Variants in ARHGAP21 observed in about 807,000 individuals in gnomAD.
ARHGAP21 encodes rho GTPase-activating protein 21.
A neutral mutation model predicts 164.6 loss-of-function variants in ARHGAP21; 38 were observed. The ratio of observed to expected loss-of-function variants is 0.23; its 90% confidence interval spans 0.18 to 0.30. The LOEUF (loss-of-function observed/expected upper bound fraction) is 0.30, where lower values mean the gene tolerates loss of function less well. ARHGAP21 is among the 10% of genes least tolerant of loss of function. ARHGAP21 has a pLI of 1.00. For synonymous variants in ARHGAP21, 766 were observed against 857.9 expected (o/e 0.89, Z 1.87); for missense variants, 1,822 against 2,370.7 (o/e 0.77, Z 4.81).
Position 24,669,587 on chromosome 10 carries a change from T to C in ARHGAP21, c.243+631A>G, listed in dbSNP as rs144435076. 7.9e-5 allele frequency among the ~76,000 whole-genome samples: 12 copies of C among 152,332 alleles called. No individual in the cohort carries two copies. In the East Asian group the frequency reaches 2.1e-3, roughly 27 times the overall value. On this transcript the variant is annotated intron_variant, in intron 3 of 25. Transcript: ENST00000396432. The stretch of plus-strand genomic sequence containing the variant: ...TTCCACATCTGTTATATGGGGCTAA[T>C]AATACCACCTGCTCCACAGGATTCT...
At chr10:24,690,845 TATATATATACAC>T (rs1192963170) in intron 2 of ARHGAP21, among the ~76,000 whole-genome samples, 11 of 149,904 alleles carry the variant, frequency 7.3e-5, no homozygotes, top group African/African-American at 2.4e-4. Context: ...AAAATATATA[TATATATATACAC>T]ATATATATAT....
At chr10:24,654,982 T>C (rs894258179) in intron 4 of ARHGAP21, among the ~76,000 whole-genome samples, 4 of 152,226 alleles carry the variant, frequency 2.6e-5, no homozygotes, top group African/African-American at 9.6e-5. Flanking sequence ...TACAACCATC[T>C]GATCTTTGAC....
At chr10:24,719,639 A>T (rs1210032034) in intron 2 of ARHGAP21, among the ~76,000 whole-genome samples, 1 of 152,244 alleles carries the variant, frequency 6.6e-6, no homozygotes, top group Non-Finnish European at 1.5e-5. Context: ...ATTGATTTTT[A>T]AAATTTTTTA....
At chr10:24,690,973 A>G (rs1025937377) in intron 2 of ARHGAP21, among the ~76,000 whole-genome samples, 15 of 152,130 alleles carry the variant, frequency 9.9e-5, no homozygotes, top group Non-Finnish European at 1.5e-4. Flanking sequence ...AGAAAAGTAC[A>G]TGGTGTCATT....
chr10:24,609,606 A>G (rs2077168783), intron 9 of ARHGAP21, among the ~76,000 whole-genome samples: 1 of 152,222 alleles, frequency 6.6e-6, no homozygotes, highest in Non-Finnish European at 1.5e-5. Context: ...CCTCACATTT[A>G]CAGACTATAC....
rs2076087254 is a variant in ARHGAP21 at position 24,585,995 on chromosome 10, T to A, written c.4294A>T (p.Ser1432Cys). 6.2e-7 allele frequency: 1 copy of A among 1,614,182 alleles called. No homozygotes were observed. Among genetic ancestry groups the A allele is most frequent in the Non-Finnish European group, 8.5e-7 (1 of 1,180,032 alleles). ...KKPKEKAQPS[S>C]SEDELDNVFF... ...ACATTGTCCAGTTCATCTTCTGAGC[T>A]GCTAGGCTGTGCTTTTTCTTTCGGC... Residue 1432 changes from serine to cysteine, a missense_variant, in exon 26 of 26, where the codon AGC (serine) becomes TGC (cysteine). Ser to Cys is a moderately radical substitution (Grantham distance 112). This residue lies in a region of ARHGAP21 where 333 missense variants were observed against 383.9 expected (regional missense o/e 0.87). Coordinates refer to ENST00000396432, the MANE Select transcript of ARHGAP21 (RefSeq NM_020824.4).
intron 2 of ARHGAP21, among the ~76,000 whole-genome samples, chr10:24,673,456 C>T (rs748124979): frequency 6.6e-6 from 1 of 152,172 alleles, no homozygotes; most frequent in Non-Finnish European, 1.5e-5. Flanking sequence ...AAGTATAATA[C>T]AAATACTTGT....
At chr10:24,696,999 C>G (rs991408286) in intron 2 of ARHGAP21, among the ~76,000 whole-genome samples, 1 of 152,160 alleles carries the variant, frequency 6.6e-6, no homozygotes, top group African/African-American at 2.4e-5. Context: ...ACAGCAGAGG[C>G]CAGGTAGCAG....
intron 2 of ARHGAP21, among the ~76,000 whole-genome samples, chr10:24,700,471 A>G (rs561609568): frequency 5.3e-5 from 8 of 152,208 alleles, no homozygotes; most frequent in African/African-American, 1.9e-4. Flanking sequence ...CCTAAAGTCC[A>G]ATTTCCAGGC....
intron 2 of ARHGAP21, among the ~76,000 whole-genome samples, chr10:24,680,240 CAT>C (rs1841640296): frequency 6.6e-6 from 1 of 151,890 alleles, no homozygotes; most frequent in African/African-American, 2.4e-5. Context: ...TCATAATCTA[CAT>C]ATTCTTCCCC....
intron 2 of ARHGAP21, chr10:24,706,567 A>T (rs1198681777): frequency 6.5e-6 from 1 of 152,678 alleles, no homozygotes; most frequent in Non-Finnish European, 1.5e-5. Flanking sequence ...GTGGTTGATC[A>T]TGCAGTCTAA....
At chr10:24,592,099 A>G (rs1036874560) in intron 21 of ARHGAP21, 87 bp from the exon 22 acceptor site, 2 of 1,249,496 alleles carry the variant, frequency 1.6e-6, no homozygotes, top group Non-Finnish European at 2.2e-6. Context: ...TTGATGAAAA[A>G]GAATAAACAG....
chr10:24,625,313 A>C lies in ARHGAP21; in HGVS notation c.496-2551T>G, dbSNP rs1194212668. Among the ~76,000 whole-genome samples, 52 of 151,056 alleles carry C rather than the reference A, an allele frequency of 3.4e-4. 1 individual carries two copies. Among genetic ancestry groups the C allele is most frequent in the African/African-American group, 1.3e-3 (52 of 41,296 alleles). On this transcript the variant is annotated intron_variant, in intron 7 of 25. Transcript: ENST00000396432. Reference sequence around the variant, plus strand: ...AATGAAACAGAGAAAAAAAAAAAAAAAAAAAAAAAACCTGAAGAATAAATA... The same window carrying C: ...AATGAAACAGAGAAAAAAAAAAAAACAAAAAAAAAACCTGAAGAATAAATA...
intron 4 of ARHGAP21, among the ~76,000 whole-genome samples, chr10:24,656,025 C>T (rs1373023072): frequency 2.7e-5 from 4 of 146,200 alleles, no homozygotes; most frequent in South Asian, 2.2e-4. Context: ...CGGCAGCTGC[C>T]CCGTCTGAGA....
intron 4 of ARHGAP21, 51 bp downstream of exon 4, chr10:24,666,934 A>C: frequency 7.6e-7 from 1 of 1,319,188 alleles, no homozygotes; most frequent in Non-Finnish European, 1.1e-6. Context: ...AAGAACAGAA[A>C]GAAATGGGTA....
At chr10:24,587,400 T>G (rs997466739) in intron 25 of ARHGAP21, among the ~76,000 whole-genome samples, 1 of 152,124 alleles carries the variant, frequency 6.6e-6, no homozygotes, top group Non-Finnish European at 1.5e-5. Context: ...AAACAGACAG[T>G]ATATTTCTCT....
At chr10:24,670,903 C>T (rs1840638410) in intron 2 of ARHGAP21, among the ~76,000 whole-genome samples, 1 of 152,116 alleles carries the variant, frequency 6.6e-6, no homozygotes, top group Non-Finnish European at 1.5e-5. Flanking sequence ...CTTCTGATAC[C>T]CTGGCCTTCT....
At chr10:24,588,466 A>G (rs896407110) in intron 25 of ARHGAP21, among the ~76,000 whole-genome samples, 3 of 123,276 alleles carry the variant, frequency 2.4e-5, no homozygotes, top group African/African-American at 8.1e-5. Flanking sequence ...GCTGGGCAAA[A>G]AGATAAACAT....
intron 4 of ARHGAP21, among the ~76,000 whole-genome samples, chr10:24,649,946 T>C (rs568984138): frequency 6.6e-6 from 1 of 152,046 alleles, no homozygotes; most frequent in South Asian, 2.1e-4. Context: ...AAAAAACTTC[T>C]CATAATCAAA....
Sources: gnomAD v4.1 joint callset for allele counts (sites outside exome capture counted in the v4.1 genomes callset) on GRCh38, gnomAD v4.1.1 for gene constraint, gnomAD v4.1.1 regional missense constraint, MANE v1.5 for transcripts, NCBI Gene and HGNC (gene_info 2026-07-23, HGNC 2026-07-21) for gene names.